Variants in MCC observed in about 807,000 individuals in gnomAD.
MCC encodes colorectal mutant cancer protein.
MCC carries 90 observed loss-of-function variants against 116.2 expected under a neutral mutation model. The ratio of observed to expected loss-of-function variants is 0.77; its 90% CI spans 0.65 to 0.92. The LOEUF (loss-of-function observed/expected upper bound fraction) is 0.92. Among genes scored for constraint, MCC ranks in the 40% least tolerant of loss-of-function variants. The pLI, the probability that MCC is intolerant of heterozygous loss-of-function variation, is 0.00. For synonymous variants in MCC, 578 were observed against 510.5 expected, an observed-to-expected ratio of 1.13 and a Z score of -1.78; for missense variants, 1,516 against 1,312.2, an observed-to-expected ratio of 1.16 and a Z score of -2.40.
At chr5:113,187,883 G>A (rs750714930) in intron 3 of MCC, among the ~76,000 whole-genome samples, 5 of 152,012 alleles carry the variant, frequency 3.3e-5, no homozygotes, top group African/African-American at 1.2e-4. Context: ...CAGAACCCAC[G>A]TTACAAACAA....
Position 113,072,718 on chromosome 5 carries a change from G to A in MCC, c.1785-1484C>T, listed in dbSNP as rs922165758. On this transcript the variant is annotated intron_variant, in intron 11 of 18. Coordinates refer to ENST00000408903, the MANE Select transcript of MCC (RefSeq NM_001085377.2). The stretch of plus-strand genomic sequence containing the variant: ...TTGGGGCTGTCCCGGGGTCCCCTCT[G>A]CTATCAACACTCCCACCCTAGGGGT... 2.1e-4 allele frequency among the ~76,000 whole-genome samples: 32 copies of A among 152,158 alleles called. 1 individual carries two copies. The highest frequency in any genetic ancestry group is 7.4e-5 in the Non-Finnish European group (5 of 68,022).
rs777108372 is a variant in MCC at position 113,137,255 on chromosome 5, G to A, written c.884+5963C>T. Among the ~76,000 whole-genome samples, 18 of 152,180 alleles carry A rather than the reference G, an allele frequency of 1.2e-4. 1 individual carries two copies. Among genetic ancestry groups the A allele is most frequent in the South Asian group, 6.3e-4 (3 of 4,790 alleles). ...AAACCATCAGATCTTGTCAGAATTC[G>A]TTCTTATGCTATCATAAGAATAGAA... On this transcript the variant is annotated intron_variant, in intron 5 of 18. Transcript: ENST00000408903.
intron 3 of MCC, among the ~76,000 whole-genome samples, chr5:113,260,028 C>T (rs1381728664): frequency 1.3e-5 from 2 of 152,034 alleles, no homozygotes; most frequent in Non-Finnish European, 2.9e-5. Context: ...TATTACCTTT[C>T]CATGTGGCCT....
intron 3 of MCC, among the ~76,000 whole-genome samples, chr5:113,275,450 T>G (rs1475731425): frequency 1.3e-5 from 2 of 152,218 alleles, no homozygotes; most frequent in Non-Finnish European, 2.9e-5. Flanking sequence ...AATGCGTAAT[T>G]GTAGCAATTT....
At chr5:113,028,720 T>C (rs1383690581) in intron 18 of MCC, among the ~76,000 whole-genome samples, 4 of 152,242 alleles carry the variant, frequency 2.6e-5, no homozygotes, top group African/African-American at 9.6e-5. Context: ...ATGTTGTTAC[T>C]GAGCATTTCT....
chr5:113,070,076 C>G (rs1462910438), intron 12 of MCC, among the ~76,000 whole-genome samples: 1 of 152,188 alleles, frequency 6.6e-6, no homozygotes, highest in African/African-American at 2.4e-5. Context: ...TGTGGGTGGA[C>G]AGCAACCAGC....
chr5:113,290,959 T>C (rs1766471966), intron 3 of MCC, among the ~76,000 whole-genome samples: 1 of 152,258 alleles, frequency 6.6e-6, no homozygotes, highest in Non-Finnish European at 1.5e-5. Flanking sequence ...CATTTTCCTT[T>C]TGTATTTCTG....
chr5:113,367,629 TG>T (rs796884870), intron 2 of MCC, among the ~76,000 whole-genome samples: 556 of 51,122 alleles, frequency 0.011, 12 homozygotes, highest in African/African-American at 0.032. Flanking sequence ...AGGCAGAGGG[TG>T]GGGGGGGGGA....
chr5:113,460,612 C>T (rs550102993), intron 1 of MCC, among the ~76,000 whole-genome samples: 9 of 152,320 alleles, frequency 5.9e-5, no homozygotes, highest in South Asian at 2.1e-4. Context: ...CCACGCTGTA[C>T]GCTGTGTGCC....
At position 113,467,697 on chromosome 5, in the gene MCC, G is replaced by C. The variant is rs550512836; in HGVS notation, c.170+20548C>G. Among the ~76,000 whole-genome samples, 26 of 152,276 alleles carry C rather than the reference G, an allele frequency of 1.7e-4. No individual in the cohort carries two copies. The East Asian group carries it at 4.6e-3, about 27-fold the overall frequency. ...TTTTTGTTTCCATATGAAGTTTAAA[G>C]TAGTTTTTTCCAATTTTGTGAAGAA... On this transcript the variant is annotated intron_variant, in intron 1 of 18. Coordinates refer to ENST00000408903, the MANE Select transcript of MCC (RefSeq NM_001085377.2).
At chr5:113,433,463 G>T in intron 1 of MCC, 1 of 613,064 alleles carries the variant, frequency 1.6e-6, no homozygotes, top group Non-Finnish European at 2.9e-6. Context: ...ACCCTCTGCT[G>T]AGACAGGCTC....
At chr5:113,055,443 G>T (rs569492673) in intron 14 of MCC, among the ~76,000 whole-genome samples, 1 of 152,314 alleles carries the variant, frequency 6.6e-6, no homozygotes, top group South Asian at 2.1e-4. Context: ...CGAAGACAAG[G>T]CTTCCGGGGA....
At chr5:113,206,724 T>C (rs1158347092) in intron 3 of MCC, among the ~76,000 whole-genome samples, 1 of 152,146 alleles carries the variant, frequency 6.6e-6, no homozygotes, top group Non-Finnish European at 1.5e-5. Context: ...TAAATAAAAA[T>C]AAAATTTTCA....
rs575731138 is a variant in MCC, at chr5:113,278,377, C to T, written c.627+62142G>A. 2.0e-4 allele frequency among the ~76,000 whole-genome samples: 31 copies of T among 152,280 alleles called. No individual in the cohort carries two copies. The South Asian group carries it at 6.2e-3, about 31-fold the overall frequency. On this transcript the variant is annotated intron_variant, in intron 3 of 18. Transcript: ENST00000408903. ...TTAGGCACTATGCAGGTACTAGGGT[C>T]AATGGTGAATAACAGCCATTGTGGT...
intron 1 of MCC, among the ~76,000 whole-genome samples, chr5:113,486,250 C>T (rs1045463811): frequency 6.6e-6 from 1 of 152,206 alleles, no homozygotes; most frequent in Non-Finnish European, 1.5e-5. Context: ...ACTACACATA[C>T]CTTGAAACTT....
chr5:113,072,753 C>G (rs1754126578), intron 11 of MCC, among the ~76,000 whole-genome samples: 1 of 152,220 alleles, frequency 6.6e-6, no homozygotes, highest in African/African-American at 2.4e-5. Context: ...TGATTTCTAT[C>G]CAGTCCCATG....
At chr5:113,252,533 C>G (rs1211608036) in intron 3 of MCC, among the ~76,000 whole-genome samples, 4 of 152,146 alleles carry the variant, frequency 2.6e-5, no homozygotes, top group Non-Finnish European at 2.9e-5. Context: ...TGCAGGAAAA[C>G]AAGCTCAGGA....
At chr5:113,283,895 T>C (rs1414992854) in intron 3 of MCC, among the ~76,000 whole-genome samples, 1 of 152,196 alleles carries the variant, frequency 6.6e-6, no homozygotes, top group Non-Finnish European at 1.5e-5. Context: ...AACCTCCCTC[T>C]TCCTCCTCCT....
At chr5:113,078,978 A>T (rs1177503086) in intron 11 of MCC, among the ~76,000 whole-genome samples, 2 of 152,252 alleles carry the variant, frequency 1.3e-5, no homozygotes, top group East Asian at 3.9e-4. Context: ...ATACAAAATC[A>T]ACCTGCAAAA....
Sources: gnomAD v4.1 joint callset for allele counts (sites outside exome capture counted in the v4.1 genomes callset) on GRCh38, gnomAD v4.1.1 for gene constraint, MANE v1.5 for transcripts, NCBI Gene and HGNC (gene_info 2026-07-23, HGNC 2026-07-21) for gene names.